The following NEMP2 variants were observed in gnomAD, a reference collection of about 807,000 sequenced individuals.
NEMP2 encodes the protein UPF0571 transmembrane protein.
In NEMP2, 53 loss-of-function variants were observed where a neutral mutation model predicts 54.2. That is an observed-to-expected ratio of 0.98 (90% CI 0.78 to 1.23). The LOEUF is 1.23. Ranked by LOEUF, NEMP2 falls within the 50% of genes most tolerant of loss-of-function variation. The pLI is 0.00. For synonymous variants in NEMP2, 197 were observed against 190.3 expected (o/e 1.04, Z -0.29); for missense variants, 455 against 511.3 (o/e 0.89, Z 1.06).
the NEMP2 span, among the ~76,000 whole-genome samples, chr2:190,591,706 G>A: frequency 6.6e-6 from 1 of 152,180 alleles, no homozygotes; most frequent in Non-Finnish European, 1.5e-5. The surrounding 1 kb of genome is among the most constrained non-coding windows in gnomAD (Gnocchi z 5.4). Flanking sequence ...AACCTTGTGA[G>A]GATTAGGGCC....
the NEMP2 span, chr2:190,469,955 G>A: frequency 1.3e-6 from 1 of 780,152 alleles, no homozygotes; most frequent in Non-Finnish European, 2.1e-6. The surrounding 1 kb of genome is among the most constrained non-coding windows in gnomAD (Gnocchi z 5.3). Context: ...AGGAAGGGCA[G>A]GCCTACTGTT....
At chr2:190,430,364 G>C in the NEMP2 span, among the ~76,000 whole-genome samples, 1 of 151,330 alleles carries the variant, frequency 6.6e-6, no homozygotes, top group Non-Finnish European at 1.5e-5. Flanking sequence ...CTTCCGCAGT[G>C]TTTGTGTCCC....
the NEMP2 span, among the ~76,000 whole-genome samples, chr2:190,456,010 G>A: frequency 1.6e-5 from 2 of 122,428 alleles, no homozygotes; most frequent in South Asian, 2.8e-4. The surrounding 1 kb of genome is among the most constrained non-coding windows in gnomAD (Gnocchi z 5.4). Flanking sequence ...GCATGATCTC[G>A]GCTCACTGCA....
the NEMP2 span, among the ~76,000 whole-genome samples, chr2:190,441,841 C>T: frequency 6.6e-6 from 1 of 152,078 alleles, no homozygotes; most frequent in Admixed American, 6.5e-5. Flanking sequence ...TGCCCAAGGC[C>T]GTGGAGAGGC....
the NEMP2 span, among the ~76,000 whole-genome samples, chr2:190,612,789 C>G: frequency 5.3e-5 from 8 of 152,162 alleles, no homozygotes; most frequent in Non-Finnish European, 1.2e-4. Context: ...TTATATCTCT[C>G]TTATTTCCTG....
the NEMP2 span, among the ~76,000 whole-genome samples, chr2:190,644,382 T>C: frequency 6.6e-6 from 1 of 152,204 alleles, no homozygotes; most frequent in Non-Finnish European, 1.5e-5. This position sits in a 1 kb window ranked among gnomAD's most constrained non-coding sequence, Gnocchi z 4.4. Flanking sequence ...CAGAAGACAA[T>C]GTGAAGGAGC....
chr2:190,546,190 T>C, the NEMP2 span, among the ~76,000 whole-genome samples: 2 of 152,126 alleles, frequency 1.3e-5, no homozygotes, highest in African/African-American at 2.4e-5. This position sits in a 1 kb window ranked among gnomAD's most constrained non-coding sequence, Gnocchi z 5.1. Context: ...TCCGCATCCA[T>C]GGCCTTACTC....
In NEMP2 at chr2:190,518,779, C is replaced by T; in HGVS notation, c.475G>A (p.Val159Met). Residue 159 changes from valine (V) to methionine (M), a missense_variant, in exon 4 of 9, where the codon GTG becomes ATG. Transcript: ENST00000409150. Reference protein sequence around the residue: ...IMDFKLFLVFVAGVFLFFYAR... With the variant: ...IMDFKLFLVFMAGVFLFFYAR... ...TAAAAGAAAAGAAAAACTCCTGCCA[C>T]AAACACAAGGAAGAGTTTGAAATCC... 6.5e-7 allele frequency: 1 copy of T among 1,546,932 alleles called. No homozygotes were observed. The highest frequency in any genetic ancestry group is 8.7e-7 in the Non-Finnish European group (1 of 1,145,978).
intron 4 of NEMP2, among the ~76,000 whole-genome samples, chr2:190,518,020 T>G (rs1170308059): frequency 6.6e-6 from 1 of 152,198 alleles, no homozygotes; most frequent in Non-Finnish European, 1.5e-5. Flanking sequence ...TTATTCTTCA[T>G]GCTATGTATG....
rs1690145001 is a variant in NEMP2 at position 190,504,641 on chromosome 2, T to C, written c.*4548A>G. Reference sequence around the variant, plus strand: ...TCATTTTTCTTTTTCTTCTTAAAGGTGTCAACAAAAGTAAACAATTTTATA... The same window carrying C: ...TCATTTTTCTTTTTCTTCTTAAAGGCGTCAACAAAAGTAAACAATTTTATA... On this transcript the variant is annotated 3_prime_UTR_variant, in exon 9 of 9. Transcript: ENST00000409150. The surrounding 1 kb of genome is among the most constrained non-coding windows in gnomAD (Gnocchi z 5.6). 6.6e-6 allele frequency: 1 copy of C among 152,202 alleles called. No homozygotes were observed. The highest frequency in any genetic ancestry group is 1.5e-5 in the Non-Finnish European group (1 of 68,032). 9.4% of individuals were successfully genotyped at this position (152,202 alleles called of 1,614,324 possible). A position where few individuals can be genotyped will look rare whatever the true frequency, so the allele number is the denominator to read the frequency against.
the NEMP2 span, among the ~76,000 whole-genome samples, chr2:190,558,483 T>A: frequency 1.3e-5 from 2 of 152,334 alleles, no homozygotes; most frequent in East Asian, 3.9e-4. The surrounding 1 kb of genome is among the most constrained non-coding windows in gnomAD (Gnocchi z 4.4). Flanking sequence ...AAAAAATTCA[T>A]GCCAACTTTA....
the NEMP2 span, among the ~76,000 whole-genome samples, chr2:190,443,283 T>C: frequency 6.6e-6 from 1 of 152,222 alleles, no homozygotes; most frequent in Non-Finnish European, 1.5e-5. The surrounding 1 kb of genome is among the most constrained non-coding windows in gnomAD (Gnocchi z 4.2). Flanking sequence ...TGGAACTATA[T>C]GGCCTTGGAC....
chr2:190,602,036 C>G, the NEMP2 span, among the ~76,000 whole-genome samples: 1 of 152,028 alleles, frequency 6.6e-6, no homozygotes, highest in Admixed American at 6.5e-5. Flanking sequence ...CAGATAAAAC[C>G]CTGACTAATT....
the NEMP2 span, among the ~76,000 whole-genome samples, chr2:190,455,800 A>G: frequency 6.6e-6 from 1 of 151,870 alleles, no homozygotes; most frequent in African/African-American, 2.4e-5. Flanking sequence ...AAGAAAGGAC[A>G]TGAGTGGTTG....
At chr2:190,559,659 G>A in the NEMP2 span, among the ~76,000 whole-genome samples, 1 of 152,222 alleles carries the variant, frequency 6.6e-6, no homozygotes, top group Non-Finnish European at 1.5e-5. The surrounding 1 kb of genome is among the most constrained non-coding windows in gnomAD (Gnocchi z 4.0). Context: ...GTAAGACAAG[G>A]TCTAGCAATT....
chr2:190,423,807 T>A, the NEMP2 span, among the ~76,000 whole-genome samples: 2 of 152,202 alleles, frequency 1.3e-5, no homozygotes, highest in African/African-American at 4.8e-5. The surrounding 1 kb of genome is among the most constrained non-coding windows in gnomAD (Gnocchi z 4.3). Context: ...TTCAGTGTTA[T>A]CCCTATTTTT....
chr2:190,531,946 T>C lies in NEMP2; in HGVS notation c.97+2613A>G, dbSNP rs1691158426. On this transcript the variant is annotated intron_variant, in intron 1 of 8. Coordinates refer to ENST00000409150, the MANE Select transcript of NEMP2 (RefSeq NM_001142645.2). The surrounding 1 kb of genome is among the most constrained non-coding windows in gnomAD (Gnocchi z 4.7). ...CAACACAAAAATATCTCACCAATGT[T>C]CCTCCTGAAAACTGACATGGCCCTC... 6.6e-6 allele frequency among the ~76,000 whole-genome samples: 1 copy of C among 151,842 alleles called. No homozygotes were observed. Among genetic ancestry groups the C allele is most frequent in the South Asian group, 2.1e-4 (1 of 4,806 alleles).
chr2:190,525,339 C>A lies in NEMP2; in HGVS notation c.137G>T (p.Arg46Ile), dbSNP rs1355212851. ...GCAGTAACAGTCTGACTCAGACGTT[C>A]TAATTAAATCTTTTTCCTTCAAAGC... Reference protein sequence around the residue: ...CKALKEKDLIRTSESDCYCYN... With the variant: ...CKALKEKDLIITSESDCYCYN... The change falls in exon 2 of 9, where the codon AGA becomes ATA. Residue 46 changes from arginine to isoleucine, a missense_variant. Transcript: ENST00000409150. This position sits in a 1 kb window ranked among gnomAD's most constrained non-coding sequence, Gnocchi z 5.0. 10 of 1,549,998 alleles carry A rather than the reference C, an allele frequency of 6.5e-6. No homozygotes were observed. The highest frequency in any genetic ancestry group is 3.4e-4 in the Middle Eastern group (2 of 5,888).
chr2:190,632,389 G>A, the NEMP2 span, among the ~76,000 whole-genome samples: 1 of 152,254 alleles, frequency 6.6e-6, no homozygotes, highest in South Asian at 2.1e-4. This position sits in a 1 kb window ranked among gnomAD's most constrained non-coding sequence, Gnocchi z 4.8. Context: ...TAGGACCAAA[G>A]TAGCTGGATC....
Sources: gnomAD v4.1 joint callset for allele counts (sites outside exome capture counted in the v4.1 genomes callset) on GRCh38, gnomAD v4.1.1 for gene constraint, Gnocchi (gnomAD v3.1) non-coding constraint, MANE v1.5 for transcripts, NCBI Gene and HGNC (gene_info 2026-07-23, HGNC 2026-07-21) for gene names.